IPO11: variants seen among roughly 807,000 people sequenced by gnomAD.
IPO11 encodes importin 11.
In IPO11, 66 loss-of-function variants were observed where a neutral mutation model predicts 143.2. The ratio of observed to expected loss-of-function variants is 0.46; its 90% confidence interval spans 0.38 to 0.57. The LOEUF is 0.57. Ranked by LOEUF, IPO11 falls within the 20% of genes least tolerant of loss-of-function variation. The probability of loss-of-function intolerance (pLI) is 0.00; values close to 1 mark genes in which losing one functional copy is unlikely to be tolerated. For synonymous variants in IPO11, 385 were observed against 377.8 expected, an observed-to-expected ratio of 1.02 and a Z score of -0.22; for missense variants, 1,026 against 1,141.0, an observed-to-expected ratio of 0.90 and a Z score of 1.45.
At chr5:62,476,426 G>T (rs1233054392) in intron 8 of IPO11, among the ~76,000 whole-genome samples, 1 of 152,114 alleles carries the variant, frequency 6.6e-6, no homozygotes, top group Admixed American at 6.5e-5. Context: ...TGTTATCCAT[G>T]ATTCATTGCT....
intron 29 of IPO11, among the ~76,000 whole-genome samples, chr5:62,621,116 TTGA>T (rs966100318): frequency 1.3e-5 from 2 of 152,136 alleles, no homozygotes; most frequent in South Asian, 2.1e-4. Context: ...GTAAAAGAGT[TTGA>T]TGATGATGAT....
At position 62,574,382 on chromosome 5, in the gene IPO11, T is replaced by C. The variant is rs189088270; in HGVS notation, c.2582+13125T>C. Among the ~76,000 whole-genome samples the C allele has an allele frequency of 2.0e-4, 30 of 152,256 alleles. No individual in the cohort carries two copies. In the East Asian group the frequency reaches 5.6e-3, roughly 28 times the overall value. On this transcript the variant is annotated intron_variant, in intron 27 of 29. Coordinates refer to ENST00000325324, the MANE Select transcript of IPO11 (RefSeq NM_016338.5). ...CTATGGTAAACTGGAAATTGTAATATAAGCATAAAATAAGAACCATCAAAA... is the reference window on the plus strand; with the variant it reads ...CTATGGTAAACTGGAAATTGTAATACAAGCATAAAATAAGAACCATCAAAA...
intron 3 of IPO11, among the ~76,000 whole-genome samples, chr5:62,445,035 G>A (rs1385745726): frequency 1.3e-5 from 2 of 151,886 alleles, no homozygotes; most frequent in East Asian, 3.8e-4. Context: ...AAAAAGTTAT[G>A]AGATAATTTA....
intron 26 of IPO11, among the ~76,000 whole-genome samples, chr5:62,558,584 GT>G (rs1743655765): frequency 6.6e-6 from 1 of 151,994 alleles, no homozygotes; most frequent in African/African-American, 2.4e-5. Flanking sequence ...ACTGGCAAAA[GT>G]AAAGAATTTT....
intron 5 of IPO11, among the ~76,000 whole-genome samples, chr5:62,466,262 T>C (rs577283734): frequency 2.6e-5 from 4 of 152,316 alleles, no homozygotes; most frequent in African/African-American, 9.6e-5. Context: ...TGAAGCCGTT[T>C]TAATGGCACA....
rs532808804 is a variant in IPO11, at chr5:62,480,812, T to C, written c.829-2289T>C. ...ATTCTGAGACTTTGCTGAAGTTGCTTATCAGCTTAAGGAGATTTTGGGCTG... is the reference window on the plus strand; with the variant it reads ...ATTCTGAGACTTTGCTGAAGTTGCTCATCAGCTTAAGGAGATTTTGGGCTG... On this transcript the variant is annotated intron_variant, in intron 9 of 29. Coordinates refer to ENST00000325324, the MANE Select transcript of IPO11 (RefSeq NM_016338.5). 3.9e-5 allele frequency among the ~76,000 whole-genome samples: 6 copies of C among 152,272 alleles called. No homozygotes were observed. In the East Asian group the frequency reaches 9.6e-4, roughly 24 times the overall value.
At chr5:62,447,922 C>T (rs1023257480) in intron 3 of IPO11, among the ~76,000 whole-genome samples, 4 of 152,112 alleles carry the variant, frequency 2.6e-5, no homozygotes, top group Non-Finnish European at 5.9e-5. Flanking sequence ...GCCATGTTGT[C>T]CAGGCTGGTA....
chr5:62,501,251 A>T (rs1282941881), intron 16 of IPO11, among the ~76,000 whole-genome samples: 1 of 151,912 alleles, frequency 6.6e-6, no homozygotes, highest in Non-Finnish European at 1.5e-5. Flanking sequence ...TATCCTTTGT[A>T]TCTCAAAAAC....
chr5:62,514,680 A>C (rs1741942906), intron 19 of IPO11, among the ~76,000 whole-genome samples: 1 of 152,122 alleles, frequency 6.6e-6, no homozygotes, highest in Non-Finnish European at 1.5e-5. Flanking sequence ...GCAATTTCAA[A>C]TACTGTAATA....
chr5:62,414,270 C>A (rs1743215840), intron 1 of IPO11, among the ~76,000 whole-genome samples: 1 of 152,030 alleles, frequency 6.6e-6, no homozygotes, highest in Non-Finnish European at 1.5e-5. Context: ...AGGCATGTGG[C>A]TATTAAAATA....
At chr5:62,624,680 C>T (rs1746496571) in intron 29 of IPO11, among the ~76,000 whole-genome samples, 1 of 152,030 alleles carries the variant, frequency 6.6e-6, no homozygotes, top group Non-Finnish European at 1.5e-5. Context: ...TTTTATCCAG[C>T]CCCTATTCAA....
At chr5:62,518,154 A>G (rs1193946772) in intron 20 of IPO11, among the ~76,000 whole-genome samples, 1 of 150,986 alleles carries the variant, frequency 6.6e-6, no homozygotes, top group Non-Finnish European at 1.5e-5. Context: ...AAAAAAAAAA[A>G]AAAAAATTTG....
At chr5:62,548,312 G>A (rs1174607521) in intron 24 of IPO11, among the ~76,000 whole-genome samples, 1 of 152,018 alleles carries the variant, frequency 6.6e-6, no homozygotes, top group Non-Finnish European at 1.5e-5. Flanking sequence ...ACACATCAAG[G>A]ATTCTGTTAC....
chr5:62,453,742 A>T (rs543658928), intron 5 of IPO11, among the ~76,000 whole-genome samples: 2 of 152,110 alleles, frequency 1.3e-5, no homozygotes, highest in African/African-American at 4.8e-5. Context: ...TGGCTTGGCA[A>T]TTTGCATTTT....
intron 27 of IPO11, chr5:62,580,194 C>CTT: frequency 6.4e-7 from 1 of 1,551,078 alleles, no homozygotes; most frequent in East Asian, 2.4e-5. Flanking sequence ...AAGGACTTGC[C>CTT]AATCTGGAAT....
At chr5:62,434,945 A>G (rs940955938) in intron 1 of IPO11, among the ~76,000 whole-genome samples, 1 of 150,864 alleles carries the variant, frequency 6.6e-6, no homozygotes, top group African/African-American at 2.4e-5. Flanking sequence ...GAATCACTTG[A>G]ACCCGGGAGG....
chr5:62,486,731 C>G (rs933415301), intron 12 of IPO11, among the ~76,000 whole-genome samples: 1 of 152,016 alleles, frequency 6.6e-6, no homozygotes, highest in Non-Finnish European at 1.5e-5. Flanking sequence ...AATTTCATTC[C>G]TTTAATTTTT....
In IPO11 at chr5:62,596,515, C is replaced by T. The variant is rs73108093; in HGVS notation, c.2678+4843C>T. ...TTGGTCCATTGTGGAGGAAGACTGG[C>T]GGGGTAGATGTTGGTGAGTGGTCTC... On this transcript the variant is annotated intron_variant, in intron 28 of 29. Transcript: ENST00000325324. Among the ~76,000 whole-genome samples, 744 of 152,116 alleles carry T rather than the reference C, an allele frequency of 4.9e-3. 4 individuals carry two copies. Among genetic ancestry groups the T allele is most frequent in the African/African-American group, 0.017 (708 of 41,486 alleles).
At chr5:62,614,559 G>A (rs1422369629) in intron 29 of IPO11, among the ~76,000 whole-genome samples, 2 of 152,172 alleles carry the variant, frequency 1.3e-5, no homozygotes. Context: ...TATGCGACAG[G>A]GGTGTGACTC....
Sources: allele counts gnomAD v4.1 joint callset (sites outside exome capture counted in the v4.1 genomes callset), GRCh38; gene constraint gnomAD v4.1.1; transcripts MANE v1.5; gene names NCBI Gene and HGNC (gene_info 2026-07-23, HGNC 2026-07-21).